CRISPLD1: variants seen among roughly 807,000 people sequenced by gnomAD.
CRISPLD1 encodes cysteine-rich secretory protein LCCL domain-containing 1.
CRISPLD1 carries 60 observed loss-of-function variants against 77.5 expected under a neutral mutation model. The ratio of observed to expected loss-of-function variants is 0.77; its 90% confidence interval spans 0.63 to 0.96. CRISPLD1 has a LOEUF of 0.96. CRISPLD1 is among the 40% of genes least tolerant of loss of function. The probability of loss-of-function intolerance (pLI) is 0.00; values close to 1 mark genes in which losing one functional copy is unlikely to be tolerated. For synonymous variants in CRISPLD1, 195 were observed against 200.1 expected, an observed-to-expected ratio of 0.97 and a Z score of 0.22; for missense variants, 623 against 615.8, an observed-to-expected ratio of 1.01 and a Z score of -0.12.
At chr8:75,030,852 GTATA>G (rs1004158123) in intron 14 of CRISPLD1, among the ~76,000 whole-genome samples, 1 of 148,968 alleles carries the variant, frequency 6.7e-6, no homozygotes, top group African/African-American at 2.5e-5. Flanking sequence ...ATATGTGAAT[GTATA>G]TATACACACA....
chr8:75,016,706 G>A lies in CRISPLD1; in HGVS notation c.868+1G>A. On this transcript the variant is annotated splice_donor_variant, in intron 7 of 14. Coordinates refer to ENST00000262207, the MANE Select transcript of CRISPLD1 (RefSeq NM_031461.6). LOFTEE classifies it high-confidence loss of function. ...GAAGTCATAAGCGCACAGCAAATGTGTAAGACCTCCATATTACTTATAAAA... is the reference window on the plus strand; with the variant it reads ...GAAGTCATAAGCGCACAGCAAATGTATAAGACCTCCATATTACTTATAAAA... 1.2e-6 allele frequency: 2 copies of A among 1,610,104 alleles called. No individual in the cohort carries two copies. Among genetic ancestry groups the A allele is most frequent in the Non-Finnish European group, 1.7e-6 (2 of 1,178,300 alleles).
In CRISPLD1 at chr8:75,029,482, C is replaced by G. The variant is rs1307178865; in HGVS notation, c.1416C>G (p.Tyr472Ter). 5 of 1,613,650 alleles carry G rather than the reference C, an allele frequency of 3.1e-6. No individual in the cohort carries two copies. The highest frequency in any genetic ancestry group is 4.2e-6 in the Non-Finnish European group (5 of 1,179,676). ...DVMPVDKRKT[Y>*]IASFQNGIFS... is the part of the protein sequence containing the mutation. ...TGCCTGTGGACAAAAGAAAGACCTA[C>G]ATTGCTTCTTTTCAGAATGGAATCT... The change falls in exon 14 of 15, where the codon TAC (tyrosine) becomes TAG (stop). Residue 472 changes from tyrosine to a stop codon, truncating the protein, a stop_gained. Transcript: ENST00000262207. LOFTEE classifies it high-confidence loss of function.
Position 75,025,556 on chromosome 8 carries a change from C to A in CRISPLD1, c.1255C>A (p.Pro419Thr). 6.5e-7 allele frequency: 1 copy of A among 1,547,096 alleles called. No individual in the cohort carries two copies. Among genetic ancestry groups the A allele is most frequent in the Non-Finnish European group, 8.9e-7 (1 of 1,124,042 alleles). Residue 419 changes from proline to threonine, a missense_variant, in exon 13 of 15, where the codon CCT becomes ACT. Coordinates refer to ENST00000262207, the MANE Select transcript of CRISPLD1 (RefSeq NM_031461.6). The part of the protein sequence containing the change: ...PASHCPRVYC[P>T]RNCMQANPHY... ...TATTATTTTTTTCAGAGTATACTGT[C>A]CTCGTAACTGTATGCAAGCAAATCC...
chr8:75,005,833 C>G (rs1812820717), intron 2 of CRISPLD1, among the ~76,000 whole-genome samples: 1 of 152,192 alleles, frequency 6.6e-6, no homozygotes, highest in Non-Finnish European at 1.5e-5. Context: ...AGCCTCCAGC[C>G]TAGATCCGGA....
chr8:75,005,226 G>C (rs185599565), intron 2 of CRISPLD1, among the ~76,000 whole-genome samples: 19 of 152,114 alleles, frequency 1.2e-4, no homozygotes, highest in Non-Finnish European at 1.9e-4. Flanking sequence ...ATTCTTATGG[G>C]ATACTACAAG....
intron 13 of CRISPLD1, among the ~76,000 whole-genome samples, chr8:75,028,285 C>G (rs969056220): frequency 6.6e-6 from 1 of 152,058 alleles, no homozygotes; most frequent in Non-Finnish European, 1.5e-5. Context: ...AGACTCTGAT[C>G]TAGTAAATAC....
chr8:75,013,014 T>A lies in CRISPLD1; in HGVS notation c.502T>A (p.Tyr168Asn). 1 of 1,592,808 alleles carries A rather than the reference T, an allele frequency of 6.3e-7. No individual in the cohort carries two copies. The highest frequency in any genetic ancestry group is 8.6e-7 in the Non-Finnish European group (1 of 1,166,964). The change falls in exon 4 of 15, where the codon TAT (tyrosine) becomes AAT (asparagine). Residue 168 changes from tyrosine (Y) to asparagine (N), a missense_variant. By Grantham distance (143) the Tyr-to-Asn change is moderately radical. Transcript: ENST00000262207. ...FRCSGPVCTHYTQVVWATSNR... is the reference protein window; with the variant it reads ...FRCSGPVCTHNTQVVWATSNR... The stretch of plus-strand genomic sequence containing the variant: ...GTGTTCTGGCCCTGTATGTACACAT[T>A]ATACACAGGTATGTTTGGGGGGTAT...
At chr8:74,987,422 A>T (rs1812513124) in intron 2 of CRISPLD1, among the ~76,000 whole-genome samples, 1 of 152,132 alleles carries the variant, frequency 6.6e-6, no homozygotes, top group Non-Finnish European at 1.5e-5. Context: ...AGTATTATAT[A>T]CTCACCTCAA....
chr8:74,989,062 T>G (rs934101275), intron 2 of CRISPLD1, among the ~76,000 whole-genome samples: 12 of 151,976 alleles, frequency 7.9e-5, no homozygotes, highest in African/African-American at 2.9e-4. Flanking sequence ...TTTCTGAAGG[T>G]GGTCAGAAAC....
At chr8:74,996,709 C>CTTTTTTT (rs1178454369) in intron 2 of CRISPLD1, among the ~76,000 whole-genome samples, 2 of 73,348 alleles carry the variant, frequency 2.7e-5, no homozygotes, top group Non-Finnish European at 2.5e-5. Flanking sequence ...GAGCCAGAAT[C>CTTTTTTT]TTTTTTTTTT....
intron 2 of CRISPLD1, among the ~76,000 whole-genome samples, chr8:75,009,543 CCT>C (rs1381995074): frequency 1.3e-5 from 2 of 151,372 alleles, no homozygotes; most frequent in African/African-American, 4.9e-5. Context: ...TTCTATTTTT[CCT>C]CTGTTTTCTG....
Position 74,986,099 on chromosome 8 carries a change from A to C in CRISPLD1, c.112A>C (p.Lys38Gln), listed in dbSNP as rs1226116321. ...NATLLEKLLE[K>Q]YMDEDGEWWI... The stretch of plus-strand genomic sequence containing the variant: ...CACTTTATTGGAGAAACTTTTGGAA[A>C]AATACATGGATGAGGATGGTGAGTG... The change falls in exon 2 of 15, where the codon AAA becomes CAA. Residue 38 changes from lysine (K) to glutamine (Q), a missense_variant. Transcript: ENST00000262207. The C allele has an allele frequency of 1.4e-5, 22 of 1,614,054 alleles. No homozygotes were observed. Among genetic ancestry groups the C allele is most frequent in the Non-Finnish European group, 1.8e-5 (21 of 1,180,044 alleles).
chr8:75,000,251 T>C (rs763591929), intron 2 of CRISPLD1: 73 of 985,036 alleles, frequency 7.4e-5, no homozygotes, highest in Non-Finnish European at 8.6e-5. Context: ...TCTGAAATAG[T>C]GAATGAATGA....
At chr8:75,031,810 T>A (rs1245206421) in intron 14 of CRISPLD1, among the ~76,000 whole-genome samples, 2 of 152,012 alleles carry the variant, frequency 1.3e-5, no homozygotes, top group Non-Finnish European at 1.5e-5. Context: ...TAACCGTGCA[T>A]ATCAGTTGTA....
At chr8:74,989,201 A>G (rs562897933) in intron 2 of CRISPLD1, among the ~76,000 whole-genome samples, 1 of 152,306 alleles carries the variant, frequency 6.6e-6, no homozygotes, top group East Asian at 1.9e-4. Flanking sequence ...GAAGCAGATT[A>G]GTTGATGAAA....
In CRISPLD1 at chr8:75,033,757, A is replaced by G. The variant is rs779337231; in HGVS notation, c.*1515A>G. The G allele has an allele frequency of 6.6e-6, 1 of 152,066 alleles. No homozygotes were observed. Among genetic ancestry groups the G allele is most frequent in the South Asian group, 2.1e-4 (1 of 4,836 alleles). 9.4% of individuals were successfully genotyped at this position (152,066 alleles called of 1,614,324 possible). ...CTTCTGGAGTGCAAATTATAAAGAC[A>G]TCAACATTTTTGATCATATAATAAG... On this transcript the variant is annotated 3_prime_UTR_variant, in exon 15 of 15. Transcript: ENST00000262207.
At chr8:74,997,820 A>G (rs907859027) in intron 2 of CRISPLD1, among the ~76,000 whole-genome samples, 1 of 152,194 alleles carries the variant, frequency 6.6e-6, no homozygotes, top group African/African-American at 2.4e-5. Flanking sequence ...AAAGTCTACA[A>G]TGGTTTTGTC....
At chr8:75,031,565 CTCTGTGTGTG>C (rs1408705012) in intron 14 of CRISPLD1, among the ~76,000 whole-genome samples, 1 of 87,490 alleles carries the variant, frequency 1.1e-5, no homozygotes, top group African/African-American at 6.2e-5. Flanking sequence ...AGATTGAATG[CTCTGTGTGTG>C]TGTGTGTGTG....
At chr8:75,010,069 CTT>C (rs935182925) in intron 2 of CRISPLD1, among the ~76,000 whole-genome samples, 2 of 151,950 alleles carry the variant, frequency 1.3e-5, no homozygotes, top group Non-Finnish European at 2.9e-5. Context: ...AAAATTAAAA[CTT>C]TTATGAAAAG....
Sources: allele counts gnomAD v4.1 joint callset (sites outside exome capture counted in the v4.1 genomes callset), GRCh38; gene constraint gnomAD v4.1.1; transcripts MANE v1.5; gene names NCBI Gene and HGNC (gene_info 2026-07-23, HGNC 2026-07-21).